The following GPC4 variants were observed in gnomAD, a reference collection of about 807,000 sequenced individuals.
GPC4 encodes glypican-4.
GPC4 carries 10 observed loss-of-function variants against 35.0 expected under a neutral mutation model. The ratio of observed to expected loss-of-function variants is 0.29; its 90% CI spans 0.18 to 0.48. The LOEUF (loss-of-function observed/expected upper bound fraction) is 0.48. Ranked by LOEUF, GPC4 falls within the 20% of genes least tolerant of loss-of-function variation. The pLI, the probability that GPC4 is intolerant of heterozygous loss-of-function variation, is 0.99. For missense variants in GPC4, 322 were observed against 451.3 expected (o/e 0.71, Z 2.60); for synonymous variants, 167 against 170.2 (o/e 0.98, Z 0.15).
chrX:133,310,388 T>C (rs770956537), intron 4 of GPC4, among the ~76,000 whole-genome samples: 2 of 112,222 alleles, frequency 1.8e-5, no homozygotes, highest in African/African-American at 6.5e-5. Context: ...CTGGTTACTG[T>C]TGCTTCAGGC....
At chrX:133,310,436 T>A (rs1046438748) in intron 4 of GPC4, among the ~76,000 whole-genome samples, 6 of 111,860 alleles carry the variant, frequency 5.4e-5, no homozygotes, top group Non-Finnish European at 7.5e-5. Flanking sequence ...AAATTCTCCT[T>A]AATTTGTCCT....
intron 1 of GPC4, among the ~76,000 whole-genome samples, chrX:133,387,157 T>A (rs1280327965): frequency 8.9e-6 from 1 of 112,372 alleles, no homozygotes; most frequent in African/African-American, 3.2e-5. Context: ...GGCTATAGCA[T>A]ATCAGCCTCA....
At position 133,303,234 on chromosome X, in the gene GPC4, G is replaced by A. The variant is rs1210195338; in HGVS notation, c.1400C>T (p.Ala467Val). 3.3e-6 allele frequency: 4 copies of A among 1,209,725 alleles called. No individual in the cohort carries two copies. The African/African-American group carries it at 7.0e-5, about 21-fold the overall frequency. ...CATCTTGCTGGTCATCACTCGAAGA[G>A]CCATGATTTGACGAAGGATCAGTAT... ...PDILILRQIMALRVMTSKMKN... is the reference protein window; with the variant it reads ...PDILILRQIMVLRVMTSKMKN... Residue 467 changes from alanine (A) to valine (V), a missense_variant, in exon 8 of 9, where the codon GCT becomes GTT. Transcript: ENST00000370828.
chrX:133,382,862 C>CATAGGGAATTGCATAGGG (rs1351685735), intron 1 of GPC4, among the ~76,000 whole-genome samples: 3 of 112,654 alleles, frequency 2.7e-5, no homozygotes, highest in Non-Finnish European at 5.6e-5. Context: ...TAGGGAATTG[C>CATAGGGAATTGCATAGGG]AAATGAAAAC....
intron 1 of GPC4, among the ~76,000 whole-genome samples, chrX:133,359,201 T>C (rs968414181): frequency 4.5e-5 from 5 of 111,705 alleles, no homozygotes; most frequent in South Asian, 3.8e-4. Context: ...TAGTTTTTGC[T>C]ATATTAGAGT....
chrX:133,337,500 T>G (rs2206621), intron 2 of GPC4, among the ~76,000 whole-genome samples: 2,176 of 111,702 alleles, frequency 0.019, 54 homozygotes, highest in African/African-American at 0.067. Flanking sequence ...GCCTTGGAAC[T>G]TGGAAACAAC....
At chrX:133,314,714 G>C (rs1358621082) in intron 3 of GPC4, among the ~76,000 whole-genome samples, 1 of 111,986 alleles carries the variant, frequency 8.9e-6, no homozygotes, top group Non-Finnish European at 1.9e-5. Context: ...AGACCACCAT[G>C]CACTATTTCA....
chrX:133,304,690 G>A (rs1279963628), intron 7 of GPC4, 35 bp downstream of exon 7: 18 of 1,202,899 alleles, frequency 1.5e-5, no homozygotes, highest in Non-Finnish European at 1.8e-5. Flanking sequence ...CATCTAGGAA[G>A]GGAGAAACTT....
intron 1 of GPC4, among the ~76,000 whole-genome samples, chrX:133,405,868 G>A (rs2068784959): frequency 2.7e-5 from 3 of 112,326 alleles, no homozygotes; most frequent in African/African-American, 6.5e-5. Flanking sequence ...CTGGATACAG[G>A]AGCCATTCAA....
intron 1 of GPC4, among the ~76,000 whole-genome samples, chrX:133,366,971 C>T (rs749143747): frequency 9.0e-5 from 10 of 111,641 alleles, no homozygotes; most frequent in Admixed American, 9.5e-5. Context: ...CCTCTGATTG[C>T]CAGCCACTAC....
intron 4 of GPC4, among the ~76,000 whole-genome samples, chrX:133,306,739 T>C (rs1354041369): frequency 8.9e-6 from 1 of 112,499 alleles, no homozygotes; most frequent in Non-Finnish European, 1.9e-5. Context: ...AATCCAATTT[T>C]TGTATTAAGA....
intron 3 of GPC4, chrX:133,311,651 T>A: frequency 2.3e-6 from 1 of 431,400 alleles, no homozygotes; most frequent in Non-Finnish European, 4.1e-6. Context: ...GTGCACCAAC[T>A]CCCACCCTGT....
At chrX:133,327,592 A>G (rs974809832) in intron 2 of GPC4, among the ~76,000 whole-genome samples, 4 of 106,399 alleles carry the variant, frequency 3.8e-5, no homozygotes, top group Non-Finnish European at 7.7e-5. Context: ...GACACCCACC[A>G]TGGACCATAC....
At chrX:133,375,358 A>G (rs1392910510) in intron 1 of GPC4, among the ~76,000 whole-genome samples, 1 of 111,924 alleles carries the variant, frequency 8.9e-6, no homozygotes, top group African/African-American at 3.3e-5. Context: ...CATTTACACT[A>G]ATGGGTAGCT....
In GPC4 at chrX:133,331,243, TTC is replaced by T. The variant is rs764451686; in HGVS notation, c.320-6709_320-6708del. ...TCCCTTTTGCTGGGCATCATTCCAT[TTC>T]TACTAAGGGCACTCTCAGTACCAGC... On this transcript the variant is annotated intron_variant, in intron 2 of 8. Transcript: ENST00000370828. Among the ~76,000 whole-genome samples, 12 of 111,535 alleles carry T rather than the reference TTC, an allele frequency of 1.1e-4. No individual in the cohort carries two copies. In the South Asian group the frequency reaches 3.9e-3, roughly 36 times the overall value.
intron 4 of GPC4, among the ~76,000 whole-genome samples, chrX:133,309,760 G>A (rs1457286349): frequency 8.9e-6 from 1 of 112,452 alleles, no homozygotes; most frequent in Non-Finnish European, 1.9e-5. Context: ...TTGGGTGTGG[G>A]GATGAGTGTG....
At chrX:133,358,216 T>C (rs1287971069) in intron 1 of GPC4, among the ~76,000 whole-genome samples, 1 of 112,231 alleles carries the variant, frequency 8.9e-6, no homozygotes, top group Non-Finnish European at 1.9e-5. Context: ...AGTGCCATTA[T>C]TTTAGGCCAA....
intron 1 of GPC4, among the ~76,000 whole-genome samples, chrX:133,383,594 C>A (rs2068673507): frequency 9.0e-6 from 1 of 111,236 alleles, no homozygotes; most frequent in Non-Finnish European, 1.9e-5. Flanking sequence ...ACCTGTAATC[C>A]CAGCACTTTG....
chrX:133,389,580 C>T (rs940494207), intron 1 of GPC4, among the ~76,000 whole-genome samples: 1 of 111,322 alleles, frequency 9.0e-6, no homozygotes, highest in African/African-American at 3.3e-5. Flanking sequence ...GTATAAAGGC[C>T]TGCGGGCGAG....
Sources: gnomAD v4.1 joint callset for allele counts (sites outside exome capture counted in the v4.1 genomes callset) on GRCh38, gnomAD v4.1.1 for gene constraint, MANE v1.5 for transcripts, NCBI Gene and HGNC (gene_info 2026-07-23, HGNC 2026-07-21) for gene names.